Variants in PLEK observed in about 807,000 individuals in gnomAD.
PLEK encodes the protein platelet 47 kDa protein.
A neutral mutation model predicts 43.9 loss-of-function variants in PLEK; 25 were observed. That is an observed-to-expected ratio of 0.57 (90% confidence interval 0.41 to 0.79). PLEK has a LOEUF of 0.79. Ranked by LOEUF, PLEK falls within the 30% of genes least tolerant of loss-of-function variation. PLEK has a pLI of 0.00. For synonymous variants in PLEK, 152 were observed against 144.4 expected, an observed-to-expected ratio of 1.05 and a Z score of -0.38; for missense variants, 396 against 413.3, an observed-to-expected ratio of 0.96 and a Z score of 0.36.
At chr2:68,371,585 A>G (rs535544890) in intron 1 of PLEK, among the ~76,000 whole-genome samples, 3 of 152,350 alleles carry the variant, frequency 2.0e-5, no homozygotes, top group South Asian at 4.1e-4. Flanking sequence ...AGAAGTAGAT[A>G]TCATCATATC....
chr2:68,378,641 T>A (rs1673551691), intron 1 of PLEK, among the ~76,000 whole-genome samples: 1 of 152,222 alleles, frequency 6.6e-6, no homozygotes. Flanking sequence ...AAGACATTCA[T>A]ACATGGCCAT....
chr2:68,378,792 C>T (rs1673554911), intron 1 of PLEK, among the ~76,000 whole-genome samples: 1 of 152,060 alleles, frequency 6.6e-6, no homozygotes, highest in South Asian at 2.1e-4. Context: ...GGGAACTGAG[C>T]CTTAGAGAGG....
At chr2:68,368,345 T>C (rs1160544412) in intron 1 of PLEK, among the ~76,000 whole-genome samples, 1 of 152,236 alleles carries the variant, frequency 6.6e-6, no homozygotes, top group African/African-American at 2.4e-5. Context: ...CTAACCACCC[T>C]ATGTGATCCT....
In PLEK at chr2:68,380,464, A is replaced by T. The variant is rs1437732582; in HGVS notation, c.179A>T (p.Gln60Leu). The T allele has an allele frequency of 2.5e-6, 4 of 1,613,768 alleles. No individual in the cohort carries two copies. The East Asian group carries it at 8.9e-5, about 36-fold the overall frequency. The change falls in exon 2 of 9, where the codon CAA becomes CTA. Residue 60 changes from glutamine (Q) to leucine (L), a missense_variant. By Grantham distance (113) the Gln-to-Leu change is moderately radical (BLOSUM62 -2). Transcript: ENST00000234313. ...GGGAGCACTCTGACTAGCCCTTGTC[A>T]AGACTTTGGCAAAAGGATGGTAAGT... is the stretch of plus-strand genomic sequence containing the variant. ...LKGSTLTSPC[Q>L]DFGKRMFVFK...
At chr2:68,385,344 T>G (rs1673715820) in intron 4 of PLEK, among the ~76,000 whole-genome samples, 1 of 152,224 alleles carries the variant, frequency 6.6e-6, no homozygotes, top group African/African-American at 2.4e-5. Context: ...TTTTCTTCTC[T>G]TTGCAATCAT....
intron 5 of PLEK, 32 bp downstream of exon 5, chr2:68,386,718 A>G: frequency 6.5e-7 from 1 of 1,541,996 alleles, no homozygotes; most frequent in Non-Finnish European, 9.0e-7. Context: ...TTCTTCCTGT[A>G]AGGGAGGCTG....
intron 3 of PLEK, among the ~76,000 whole-genome samples, chr2:68,381,938 A>G (rs1321485963): frequency 6.6e-6 from 1 of 152,206 alleles, no homozygotes; most frequent in Non-Finnish European, 1.5e-5. Flanking sequence ...GCCACAGGCT[A>G]CATGGAAGGG....
chr2:68,373,123 A>G (rs1427471678), intron 1 of PLEK, among the ~76,000 whole-genome samples: 1 of 152,132 alleles, frequency 6.6e-6, no homozygotes, highest in Non-Finnish European at 1.5e-5. Context: ...CCAGAAAAGG[A>G]AAAATTTAGG....
intron 1 of PLEK, among the ~76,000 whole-genome samples, chr2:68,366,230 C>T (rs2103752137): frequency 6.6e-6 from 1 of 152,324 alleles, no homozygotes; most frequent in East Asian, 1.9e-4. Context: ...AACGTAGTGC[C>T]TTCCTTCAGG....
At chr2:68,371,059 T>A (rs150955022) in intron 1 of PLEK, among the ~76,000 whole-genome samples, 1 of 152,192 alleles carries the variant, frequency 6.6e-6, no homozygotes, top group Admixed American at 6.5e-5. Flanking sequence ...AATAGAAGAC[T>A]AAAGGGGGAA....
chr2:68,370,766 G>T (rs1198647745), intron 1 of PLEK, among the ~76,000 whole-genome samples: 2 of 152,312 alleles, frequency 1.3e-5, no homozygotes, highest in Non-Finnish European at 2.9e-5. Flanking sequence ...GATTACAGGT[G>T]TGAGTACTGC....
Position 68,375,848 on chromosome 2 carries a change from C to T in PLEK, c.43-4480C>T, listed in dbSNP as rs542993341. Among the ~76,000 whole-genome samples, 66 of 152,256 alleles carry T rather than the reference C, an allele frequency of 4.3e-4. 1 individual carries two copies. Among genetic ancestry groups the T allele is most frequent in the Middle Eastern group, 6.8e-3 (2 of 294 alleles). ...AAATATAGACCAGAAATAGAGACTTCCCTGTTTTAATCAGAATGGTCAACT... is the reference window on the plus strand; with the variant it reads ...AAATATAGACCAGAAATAGAGACTTTCCTGTTTTAATCAGAATGGTCAACT... On this transcript the variant is annotated intron_variant, in intron 1 of 8. Coordinates refer to ENST00000234313, the MANE Select transcript of PLEK (RefSeq NM_002664.3).
intron 6 of PLEK, among the ~76,000 whole-genome samples, 172 bp from the exon 7 acceptor site, chr2:68,392,990 T>C (rs1673889894): frequency 1.3e-5 from 2 of 152,260 alleles, no homozygotes; most frequent in Admixed American, 6.5e-5. Context: ...TTATTGGCTG[T>C]AGCACTATCT....
At chr2:68,370,580 G>A (rs1673380257) in intron 1 of PLEK, among the ~76,000 whole-genome samples, 1 of 152,120 alleles carries the variant, frequency 6.6e-6, no homozygotes, top group Non-Finnish European at 1.5e-5. Flanking sequence ...CCACCTCCAG[G>A]GTTCAAGTGA....
chr2:68,380,368 T>C lies in PLEK; in HGVS notation c.83T>C (p.Leu28Ser). The C allele has an allele frequency of 1.9e-6, 3 of 1,613,716 alleles. No individual in the cohort carries two copies. Among genetic ancestry groups the C allele is most frequent in the Non-Finnish European group, 1.7e-6 (2 of 1,179,654 alleles). ...ACGTGGAAACCCATGTGGGTTGTAT[T>C]GTTAGAAGATGGAATTGAATTCTAT... ...FNTWKPMWVVLLEDGIEFYKK... is the reference protein window; with the variant it reads ...FNTWKPMWVVSLEDGIEFYKK... Residue 28 changes from leucine (L) to serine (S), a missense_variant, in exon 2 of 9, where the codon TTG becomes TCG. Transcript: ENST00000234313.
chr2:68,381,828 C>G (rs963131396), intron 3 of PLEK, among the ~76,000 whole-genome samples: 1 of 152,180 alleles, frequency 6.6e-6, no homozygotes, highest in Admixed American at 6.5e-5. Context: ...TCCAACGAGG[C>G]ACCTAGTGCA....
rs570062682 is a variant in PLEK, at chr2:68,396,281, C to T, written c.*465C>T. On this transcript the variant is annotated 3_prime_UTR_variant, in exon 9 of 9. Coordinates refer to ENST00000234313, the MANE Select transcript of PLEK (RefSeq NM_002664.3). Reference sequence around the variant, plus strand: ...TCAAATGTACCAGAACCTGAGCCAACGCCTCCCTGTGAAACTGTTGCTGAT... The same window carrying T: ...TCAAATGTACCAGAACCTGAGCCAATGCCTCCCTGTGAAACTGTTGCTGAT... The T allele has an allele frequency of 1.8e-3, 284 of 160,558 alleles. No individual in the cohort carries two copies. The highest frequency in any genetic ancestry group is 6.6e-3 in the Middle Eastern group (2 of 302). 9.9% of individuals were successfully genotyped at this position (160,558 alleles called of 1,614,324 possible). A position where few individuals can be genotyped will look rare whatever the true frequency, so the allele number is the denominator to read the frequency against.
In PLEK at chr2:68,380,670, G is replaced by A. The variant is rs150499973; in HGVS notation, c.199-53G>A. ...GCCAATGGCCTCTGCTTCATGAGGG[G>A]CCCCAAGCCCTTGAAATAAGCCATT... On this transcript the variant is annotated intron_variant, in intron 2 of 8. Transcript: ENST00000234313. 433 of 1,573,244 alleles carry A rather than the reference G, an allele frequency of 2.8e-4. 1 individual carries two copies. In the African/African-American group the frequency reaches 5.4e-3, roughly 20 times the overall value.
rs574101668 is a variant in PLEK, at chr2:68,385,080, C to A, written c.473-1422C>A. On this transcript the variant is annotated intron_variant, in intron 4 of 8. Transcript: ENST00000234313. ...GACAGGCAGGCTGTCATGTTGACTCCCTTGTTGGCTACATTTGTAAGGAAC... is the reference window on the plus strand; with the variant it reads ...GACAGGCAGGCTGTCATGTTGACTCACTTGTTGGCTACATTTGTAAGGAAC... Among the ~76,000 whole-genome samples, 7 of 152,232 alleles carry A rather than the reference C, an allele frequency of 4.6e-5. No individual in the cohort carries two copies. The East Asian group carries it at 1.4e-3, about 29-fold the overall frequency.
Sources: gnomAD v4.1 joint callset for allele counts (sites outside exome capture counted in the v4.1 genomes callset) on GRCh38, gnomAD v4.1.1 for gene constraint, MANE v1.5 for transcripts, NCBI Gene and HGNC (gene_info 2026-07-23, HGNC 2026-07-21) for gene names.